The following PTPRM variants were observed in gnomAD, a reference collection of about 807,000 sequenced individuals.
PTPRM encodes protein tyrosine phosphatase receptor type M, also known as receptor-type tyrosine-protein phosphatase mu.
A neutral mutation model predicts 186.7 loss-of-function variants in PTPRM; 47 were observed. The observed-to-expected ratio is 0.25, with a 90% CI of 0.20 to 0.32. The LOEUF (loss-of-function observed/expected upper bound fraction) is 0.32, where lower values mean the gene tolerates loss of function less well. Among genes scored for constraint, PTPRM ranks in the 10% least tolerant of loss-of-function variants. The pLI is 1.00. For synonymous variants in PTPRM, 668 were observed against 674.9 expected (o/e 0.99, Z 0.16); for missense variants, 1,494 against 1,865.0 (o/e 0.80, Z 3.66).
intron 4 of PTPRM, among the ~76,000 whole-genome samples, chr18:7,908,942 A>G (rs2146585531): frequency 6.6e-6 from 1 of 152,320 alleles, no homozygotes; most frequent in Middle Eastern, 3.4e-3. Context: ...AAAACATAAG[A>G]GCTGTAATTG....
At chr18:8,200,664 CTTTTA>C (rs1343013342) in intron 14 of PTPRM, among the ~76,000 whole-genome samples, 2 of 152,208 alleles carry the variant, frequency 1.3e-5, no homozygotes, top group African/African-American at 4.8e-5. Flanking sequence ...AAGTTGTAGT[CTTTTA>C]TTTTAACTTA....
chr18:7,756,836 C>T (rs888541727), intron 1 of PTPRM, among the ~76,000 whole-genome samples: 1 of 152,088 alleles, frequency 6.6e-6, no homozygotes, highest in Non-Finnish European at 1.5e-5. Flanking sequence ...GGGGGGACAA[C>T]GTTTTTGCCC....
In PTPRM at chr18:7,837,934, C is replaced by A. The variant is rs546140615; in HGVS notation, c.197-50172C>A. Among the ~76,000 whole-genome samples the A allele has an allele frequency of 3.9e-5, 6 of 152,186 alleles. No individual in the cohort carries two copies. The South Asian group carries it at 1.2e-3, about 32-fold the overall frequency. ...CAGTCTGGGCTTGTTTGTACACTGG[C>A]AAGGTTTTCCAGATATTCTAAAGGA... is the stretch of plus-strand genomic sequence containing the variant. On this transcript the variant is annotated intron_variant, in intron 2 of 32. Transcript: ENST00000580170.
chr18:7,699,377 G>A (rs544229846), intron 1 of PTPRM, among the ~76,000 whole-genome samples: 4 of 152,146 alleles, frequency 2.6e-5, no homozygotes, highest in Non-Finnish European at 4.4e-5. Flanking sequence ...TGTTAATGAT[G>A]TTGTTTGATA....
intron 1 of PTPRM, among the ~76,000 whole-genome samples, chr18:7,758,942 C>T (rs2041637593): frequency 6.6e-6 from 1 of 151,826 alleles, no homozygotes; most frequent in Non-Finnish European, 1.5e-5. Context: ...AAATTCAGTA[C>T]AGCAAATGGG....
At chr18:7,987,046 T>C (rs1054477702) in intron 7 of PTPRM, among the ~76,000 whole-genome samples, 13 of 152,168 alleles carry the variant, frequency 8.5e-5, no homozygotes, top group Non-Finnish European at 4.4e-5. Context: ...AATGTGCTTA[T>C]TGTTTAAGCC....
At position 8,023,831 on chromosome 18, in the gene PTPRM, G is replaced by GACACACACACACACAC. The variant is rs71354587; in HGVS notation, c.1133-45830_1133-45815dup. ...CAATTTAAATGGTAAATTATCAGAA[G>GACACACACACACACAC]ACACACACACACACACACACACACA... On this transcript the variant is annotated intron_variant, in intron 7 of 32. Coordinates refer to ENST00000580170, the MANE Select transcript of PTPRM (RefSeq NM_001105244.2). 6.0e-3 allele frequency among the ~76,000 whole-genome samples: 666 copies of GACACACACACACACAC among 110,254 alleles called. 7 individuals carry two copies. Among genetic ancestry groups the GACACACACACACACAC allele is most frequent in the African/African-American group, 0.02 (650 of 32,450 alleles). The allele number at this position is 110,254 out of a possible 152,430, so 72.3% of individuals were successfully genotyped here.
intron 13 of PTPRM, among the ~76,000 whole-genome samples, chr18:8,131,573 T>C (rs577701778): frequency 6.6e-6 from 1 of 152,346 alleles, no homozygotes; most frequent in East Asian, 1.9e-4. Flanking sequence ...TCCCTCAGCG[T>C]CCTTAGTTTA....
chr18:8,224,388 T>C (rs2094189241), intron 14 of PTPRM, among the ~76,000 whole-genome samples: 1 of 152,242 alleles, frequency 6.6e-6, no homozygotes, highest in Admixed American at 6.5e-5. Context: ...TATTTCTGTT[T>C]TCAAAAATCA....
chr18:8,243,218 T>C (rs2147288305), intron 14 of PTPRM, among the ~76,000 whole-genome samples: 2 of 152,340 alleles, frequency 1.3e-5, no homozygotes, highest in African/African-American at 4.8e-5. Flanking sequence ...GCGAGCAGGA[T>C]GCAGAGGCCA....
intron 2 of PTPRM, among the ~76,000 whole-genome samples, chr18:7,838,418 G>C (rs975623936): frequency 1.3e-5 from 2 of 152,202 alleles, no homozygotes; most frequent in Admixed American, 1.3e-4. Flanking sequence ...TGATATCATA[G>C]AGGTACCACT....
At chr18:7,818,704 T>C (rs931915522) in intron 2 of PTPRM, among the ~76,000 whole-genome samples, 1 of 152,222 alleles carries the variant, frequency 6.6e-6, no homozygotes, top group African/African-American at 2.4e-5. Context: ...AAATTAAACA[T>C]CAGTAAAACA....
intron 14 of PTPRM, among the ~76,000 whole-genome samples, chr18:8,241,078 A>C (rs2094430238): frequency 6.6e-6 from 1 of 152,176 alleles, no homozygotes; most frequent in Non-Finnish European, 1.5e-5. Context: ...CTGTAATCCC[A>C]GTACTTTGGG....
intron 14 of PTPRM, among the ~76,000 whole-genome samples, chr18:8,166,542 T>A (rs2093326980): frequency 6.6e-6 from 1 of 152,254 alleles, no homozygotes; most frequent in Admixed American, 6.5e-5. Flanking sequence ...TTGCATAATC[T>A]AAATTAATAA....
intron 29 of PTPRM, 47 bp downstream of exon 29, chr18:8,380,474 G>A (rs780408165): frequency 2.5e-6 from 4 of 1,610,612 alleles, no homozygotes; most frequent in Non-Finnish European, 3.4e-6. Flanking sequence ...AGGGGGTCAA[G>A]TTTGTTTTTA....
chr18:8,168,461 AGCCT>A (rs2093353894), intron 14 of PTPRM, among the ~76,000 whole-genome samples: 1 of 152,214 alleles, frequency 6.6e-6, no homozygotes, highest in African/African-American at 2.4e-5. Context: ...CTACATTTGG[AGCCT>A]GTGATACCCC....
intron 1 of PTPRM, among the ~76,000 whole-genome samples, chr18:7,579,603 C>T (rs1297046431): frequency 6.6e-6 from 1 of 152,104 alleles, no homozygotes; most frequent in East Asian, 1.9e-4. Context: ...ACTTGGTGAC[C>T]TCTAGTAAAT....
At chr18:7,782,113 A>T (rs575658970) in intron 2 of PTPRM, among the ~76,000 whole-genome samples, 2 of 152,318 alleles carry the variant, frequency 1.3e-5, no homozygotes, top group South Asian at 4.1e-4. Flanking sequence ...ATAACTTTAG[A>T]TGATTATGAA....
At chr18:7,631,730 GC>G (rs2144084068) in intron 1 of PTPRM, among the ~76,000 whole-genome samples, 1 of 152,158 alleles carries the variant, frequency 6.6e-6, no homozygotes, top group Non-Finnish European at 1.5e-5. Flanking sequence ...TTCCAGTGTG[GC>G]CCAGGAAAGC....
Sources: gnomAD v4.1 joint callset for allele counts (sites outside exome capture counted in the v4.1 genomes callset) on GRCh38, gnomAD v4.1.1 for gene constraint, MANE v1.5 for transcripts, NCBI Gene and HGNC (gene_info 2026-07-23, HGNC 2026-07-21) for gene names.